The following VPS50 variants were observed in gnomAD, a reference collection of about 807,000 sequenced individuals.
VPS50 encodes syndetin.
In VPS50, 70 loss-of-function variants were observed where a neutral mutation model predicts 139.7. The observed-to-expected ratio is 0.50, with a 90% CI of 0.41 to 0.61. VPS50 has a LOEUF of 0.61. Ranked by LOEUF, VPS50 falls within the 20% of genes least tolerant of loss-of-function variation. The pLI is 0.00. For synonymous variants in VPS50, 365 were observed against 376.7 expected, an observed-to-expected ratio of 0.97 and a Z score of 0.36; for missense variants, 921 against 1,133.7, an observed-to-expected ratio of 0.81 and a Z score of 2.69.
intron 21 of VPS50, among the ~76,000 whole-genome samples, chr7:93,328,964 A>T (rs976768937): frequency 1.3e-5 from 2 of 152,218 alleles, no homozygotes; most frequent in Non-Finnish European, 2.9e-5. Flanking sequence ...GCTGCACAAG[A>T]GACAGTTTAT....
At chr7:93,352,217 CTT>C (rs1383496812) in intron 25 of VPS50, among the ~76,000 whole-genome samples, 1 of 152,078 alleles carries the variant, frequency 6.6e-6, no homozygotes, top group Non-Finnish European at 1.5e-5. Flanking sequence ...AATTATGACT[CTT>C]GAAATCCAAA....
At chr7:93,311,344 G>T in intron 20 of VPS50, 72 bp downstream of exon 20, 1 of 781,514 alleles carries the variant, frequency 1.3e-6, no homozygotes, top group Non-Finnish European at 2.3e-6. Context: ...TTTACTTGTG[G>T]TTTTTATTGT....
At chr7:93,318,909 T>G (rs1245041447) in intron 20 of VPS50, among the ~76,000 whole-genome samples, 4 of 151,974 alleles carry the variant, frequency 2.6e-5, no homozygotes, top group Middle Eastern at 3.2e-3. Context: ...TTTAATAGAG[T>G]AAAATAAAAT....
chr7:93,317,499 G>A (rs770837651), intron 20 of VPS50, among the ~76,000 whole-genome samples: 3 of 152,180 alleles, frequency 2.0e-5, no homozygotes, highest in Non-Finnish European at 2.9e-5. Flanking sequence ...CAAGGTTGCA[G>A]CAAGCTGAGA....
At chr7:93,316,777 A>T (rs1433495393) in intron 20 of VPS50, among the ~76,000 whole-genome samples, 1 of 152,198 alleles carries the variant, frequency 6.6e-6, no homozygotes. Flanking sequence ...CAGGAGAAAA[A>T]ACATGATCAG....
intron 23 of VPS50, among the ~76,000 whole-genome samples, chr7:93,346,422 G>A (rs10253777): frequency 0.5 from 76,684 of 151,932 alleles, 21,222 homozygotes; most frequent in African/African-American, 0.73. Flanking sequence ...CAGATTCAAT[G>A]CCATCCCCAT....
intron 16 of VPS50, among the ~76,000 whole-genome samples, chr7:93,300,599 T>C (rs1382001624): frequency 6.6e-6 from 1 of 152,122 alleles, no homozygotes. Context: ...CAGGAAAATA[T>C]CACGTTATTA....
intron 20 of VPS50, among the ~76,000 whole-genome samples, chr7:93,315,039 C>T (rs1298671398): frequency 6.6e-6 from 1 of 152,128 alleles, no homozygotes; most frequent in African/African-American, 2.4e-5. Context: ...TCAGTTTCTC[C>T]TGTTTTCTTC....
Position 93,341,536 on chromosome 7 carries a change from T to C in VPS50, c.2168T>C (p.Leu723Pro). 6.2e-7 allele frequency: 1 copy of C among 1,611,450 alleles called. No individual in the cohort carries two copies. Among genetic ancestry groups the C allele is most frequent in the Non-Finnish European group, 8.5e-7 (1 of 1,178,484 alleles). Residue 723 changes from leucine to proline, a missense_variant, in exon 23 of 28, where the codon CTG becomes CCG. Leu to Pro is a moderately conservative substitution (Grantham distance 98). Transcript: ENST00000305866. ...GTGGTTTTGACATCTGGGGATACGC[T>C]GTATGGGTTGGCAGAAAGAGTGGTA... ...HLVVLTSGDT[L>P]YGLAERVVAT...
chr7:93,256,794 G>A (rs1795497415), intron 5 of VPS50, among the ~76,000 whole-genome samples: 1 of 151,908 alleles, frequency 6.6e-6, no homozygotes, highest in Admixed American at 6.6e-5. Flanking sequence ...GTGATCTCTT[G>A]GGTTTTTCAA....
intron 24 of VPS50, among the ~76,000 whole-genome samples, chr7:93,349,277 G>C (rs1243786998): frequency 6.6e-6 from 1 of 152,168 alleles, no homozygotes; most frequent in African/African-American, 2.4e-5. Context: ...AAACAGCTGA[G>C]GAAAGCTTGT....
At chr7:93,301,964 T>A (rs1033392659) in intron 16 of VPS50, among the ~76,000 whole-genome samples, 1 of 152,212 alleles carries the variant, frequency 6.6e-6, no homozygotes, top group African/African-American at 2.4e-5. Context: ...CTAGTAGGCA[T>A]GAAGTGGTAT....
chr7:93,244,788 A>T (rs1295273327), intron 2 of VPS50, among the ~76,000 whole-genome samples: 1 of 151,786 alleles, frequency 6.6e-6, no homozygotes, highest in Non-Finnish European at 1.5e-5. Flanking sequence ...TGCAGGTGGT[A>T]CTAAGGGAGA....
chr7:93,302,411 A>G (rs555573985), intron 16 of VPS50, among the ~76,000 whole-genome samples: 18 of 150,476 alleles, frequency 1.2e-4, no homozygotes, highest in Non-Finnish European at 2.4e-4. Flanking sequence ...CTTTGAGTTC[A>G]TGAATCCTGT....
At chr7:93,325,752 A>C (rs1797751012) in intron 21 of VPS50, among the ~76,000 whole-genome samples, 1 of 151,598 alleles carries the variant, frequency 6.6e-6, no homozygotes, top group African/African-American at 2.4e-5. Context: ...ATGAGATACC[A>C]TCTCACACCA....
intron 1 of VPS50, among the ~76,000 whole-genome samples, chr7:93,235,973 AG>A (rs1198857999): frequency 6.6e-6 from 1 of 152,226 alleles, no homozygotes; most frequent in Non-Finnish European, 1.5e-5. Context: ...CTCAGGGGGA[AG>A]TGGTGGATCT....
At chr7:93,286,383 A>G (rs1028521032) in intron 12 of VPS50, among the ~76,000 whole-genome samples, 1 of 152,186 alleles carries the variant, frequency 6.6e-6, no homozygotes, top group African/African-American at 2.4e-5. Flanking sequence ...TCTCCCCTTC[A>G]CCTGAACTGA....
intron 20 of VPS50, among the ~76,000 whole-genome samples, chr7:93,312,056 T>C (rs1270647151): frequency 1.3e-5 from 2 of 152,142 alleles, no homozygotes; most frequent in Non-Finnish European, 1.5e-5. Flanking sequence ...GTTGAAATAG[T>C]CTGTGTTCTT....
At chr7:93,312,404 T>C (rs118137618) in intron 20 of VPS50, among the ~76,000 whole-genome samples, 2 of 152,290 alleles carry the variant, frequency 1.3e-5, no homozygotes, top group East Asian at 3.9e-4. Context: ...GTAATGTCTC[T>C]CATACATGGT....
Sources: gnomAD v4.1 joint callset for allele counts (sites outside exome capture counted in the v4.1 genomes callset) on GRCh38, gnomAD v4.1.1 for gene constraint, MANE v1.5 for transcripts, NCBI Gene and HGNC (gene_info 2026-07-23, HGNC 2026-07-21) for gene names.